Variants in CNTNAP5 observed in about 807,000 individuals in gnomAD.
CNTNAP5 encodes contactin-associated protein-like 5.
Under a neutral mutation model 150.2 loss-of-function variants are expected in CNTNAP5, and 72 were observed. The observed-to-expected ratio is 0.48, with a 90% CI of 0.40 to 0.58. The LOEUF is 0.58. Among genes scored for constraint, CNTNAP5 ranks in the 20% least tolerant of loss-of-function variants. The pLI, the probability that CNTNAP5 is intolerant of heterozygous loss-of-function variation, is 0.00. For synonymous variants in CNTNAP5, 672 were observed against 619.8 expected, an observed-to-expected ratio of 1.08 and a Z score of -1.25; for missense variants, 1,636 against 1,626.2, an observed-to-expected ratio of 1.01 and a Z score of -0.10.
At chr2:124,202,213 T>C (rs558257643) in intron 1 of CNTNAP5, among the ~76,000 whole-genome samples, 31 of 152,314 alleles carry the variant, frequency 2.0e-4, no homozygotes, top group African/African-American at 7.2e-4. Context: ...CATTTTGTTA[T>C]GGCCCCTATA....
rs759150184 is a variant in CNTNAP5 at position 124,869,688 on chromosome 2, T to C, written c.3362T>C (p.Leu1121Pro). Reference protein sequence around the residue: ...RELTIQMDQQLRLSYNFSPEV... With the variant: ...RELTIQMDQQPRLSYNFSPEV... ...GTTTTCCTGCAGATGGACCAGCAAC[T>C]TCGACTCAGTTATAACTTCTCTCCG... Residue 1121 changes from leucine (L) to proline (P), a missense_variant, in exon 21 of 24, where the codon CTT becomes CCT. Transcript: ENST00000682447. The C allele has an allele frequency of 6.2e-7, 1 of 1,611,846 alleles. No homozygotes were observed. The highest frequency in any genetic ancestry group is 8.5e-7 in the Non-Finnish European group (1 of 1,178,506).
chr2:124,913,117 C>T (rs1023728134), intron 23 of CNTNAP5, among the ~76,000 whole-genome samples: 13 of 152,020 alleles, frequency 8.6e-5, no homozygotes, highest in African/African-American at 3.1e-4. Flanking sequence ...AATCATAATT[C>T]ATTATGCCCA....
At chr2:124,606,003 T>C (rs748611377) in intron 11 of CNTNAP5, among the ~76,000 whole-genome samples, 10 of 152,146 alleles carry the variant, frequency 6.6e-5, no homozygotes, top group Non-Finnish European at 1.2e-4. Flanking sequence ...TATCCTCTTA[T>C]GTTAATTCTT....
chr2:124,567,856 GATAGATAGATAGATAGATAGATAGAT>G, intron 11 of CNTNAP5, among the ~76,000 whole-genome samples: 1 of 112,470 alleles, frequency 8.9e-6, no homozygotes, highest in African/African-American at 3.2e-5. Context: ...TAGATAGATA[GATAGATAGATAGATAGATAGATAGAT>G]ATAGATAGAT....
intron 1 of CNTNAP5, among the ~76,000 whole-genome samples, chr2:124,096,734 C>T (rs778059774): frequency 2.0e-5 from 3 of 152,064 alleles, no homozygotes; most frequent in South Asian, 2.1e-4. Flanking sequence ...GACAGAGTCT[C>T]GCTCTGTCAC....
chr2:124,140,632 T>C lies in CNTNAP5; in HGVS notation c.83-81073T>C, dbSNP rs1408655870. Among the ~76,000 whole-genome samples, 5 of 105,788 alleles carry C rather than the reference T, an allele frequency of 4.7e-5. No homozygotes were observed. The East Asian group carries it at 1.1e-3, about 23-fold the overall frequency. The allele number at this position is 105,788 out of a possible 152,430, so 69.4% of individuals were successfully genotyped here. Reference sequence around the variant, plus strand: ...AGAAAGGACATCTACACCGAAAACCTATCTGTACATCACCATCATCAAAGA... The same window carrying C: ...AGAAAGGACATCTACACCGAAAACCCATCTGTACATCACCATCATCAAAGA... On this transcript the variant is annotated intron_variant, in intron 1 of 23. Coordinates refer to ENST00000682447, the MANE Select transcript of CNTNAP5 (RefSeq NM_001367498.1).
At chr2:124,432,719 T>A (rs1276681822) in intron 4 of CNTNAP5, among the ~76,000 whole-genome samples, 1 of 152,146 alleles carries the variant, frequency 6.6e-6, no homozygotes, top group Non-Finnish European at 1.5e-5. Context: ...TCAGCTAGAA[T>A]GTGAGAAGCC....
intron 20 of CNTNAP5, among the ~76,000 whole-genome samples, chr2:124,865,665 G>A (rs368950912): frequency 2.0e-5 from 3 of 152,198 alleles, no homozygotes; most frequent in Middle Eastern, 3.2e-3. Flanking sequence ...AGATTCTTGG[G>A]CCAAGTGTGG....
At chr2:124,606,223 G>A (rs1697103485) in intron 11 of CNTNAP5, among the ~76,000 whole-genome samples, 1 of 152,066 alleles carries the variant, frequency 6.6e-6, no homozygotes, top group Middle Eastern at 3.2e-3. Context: ...CACCAAAATA[G>A]TAATCATTGA....
intron 3 of CNTNAP5, among the ~76,000 whole-genome samples, chr2:124,341,313 G>T (rs1326425127): frequency 1.3e-5 from 2 of 152,060 alleles, no homozygotes; most frequent in South Asian, 2.1e-4. Flanking sequence ...AAAGTCATTG[G>T]TTCTGAAGCT....
At chr2:124,430,338 T>C (rs1423825918) in intron 4 of CNTNAP5, among the ~76,000 whole-genome samples, 1 of 152,142 alleles carries the variant, frequency 6.6e-6, no homozygotes, top group Non-Finnish European at 1.5e-5. Flanking sequence ...GGGGGAATAA[T>C]AATAGTATTT....
intron 1 of CNTNAP5, among the ~76,000 whole-genome samples, chr2:124,174,478 T>A (rs942560926): frequency 6.6e-6 from 1 of 152,158 alleles, no homozygotes; most frequent in East Asian, 1.9e-4. Flanking sequence ...CCAACCCTGA[T>A]GGATGAATTT....
intron 3 of CNTNAP5, among the ~76,000 whole-genome samples, chr2:124,357,608 G>C (rs2104709680): frequency 6.8e-6 from 1 of 146,914 alleles, no homozygotes; most frequent in South Asian, 2.2e-4. Flanking sequence ...TCAAAGATCA[G>C]ATAGTTGTAG....
At position 124,914,635 on chromosome 2, in the gene CNTNAP5, G is replaced by T. The variant is rs926982929; in HGVS notation, c.*347G>T. The T allele has an allele frequency of 6.8e-5, 12 of 176,876 alleles. No homozygotes were observed. Among genetic ancestry groups the T allele is most frequent in the Non-Finnish European group, 1.2e-4 (10 of 83,792 alleles). The allele number at this position is 176,876 out of a possible 1,614,324, so 11.0% of individuals were successfully genotyped here. A position where few individuals can be genotyped will look rare whatever the true frequency, so the allele number is the denominator to read the frequency against. On this transcript the variant is annotated 3_prime_UTR_variant, in exon 24 of 24. Transcript: ENST00000682447. Reference sequence around the variant, plus strand: ...CTGTTCAGTTTTCCAACCACTTGGTGGTTCAGGCTTGCTTTGAACCTGAGC... The same window carrying T: ...CTGTTCAGTTTTCCAACCACTTGGTTGTTCAGGCTTGCTTTGAACCTGAGC...
At chr2:124,571,251 T>C (rs1573467023) in intron 11 of CNTNAP5, among the ~76,000 whole-genome samples, 1 of 152,116 alleles carries the variant, frequency 6.6e-6, no homozygotes, top group Admixed American at 6.5e-5. Flanking sequence ...GGGAGGTCCA[T>C]AGGGAATATC....
intron 8 of CNTNAP5, among the ~76,000 whole-genome samples, chr2:124,515,944 A>G (rs895006710): frequency 6.6e-5 from 10 of 152,200 alleles, no homozygotes; most frequent in African/African-American, 2.4e-4. Flanking sequence ...TGTGAGGTCC[A>G]TGATAACCTT....
chr2:124,040,801 C>T (rs1027691782), intron 1 of CNTNAP5, among the ~76,000 whole-genome samples: 12 of 152,034 alleles, frequency 7.9e-5, no homozygotes, highest in East Asian at 3.9e-4. Context: ...ATTAATTTTG[C>T]GTACTGGGTC....
chr2:124,552,272 T>A (rs1695644887), intron 10 of CNTNAP5, among the ~76,000 whole-genome samples: 1 of 152,174 alleles, frequency 6.6e-6, no homozygotes, highest in Non-Finnish European at 1.5e-5. Flanking sequence ...ACTGGAAATC[T>A]GGAACTCGCT....
At chr2:124,188,071 G>C (rs1685372902) in intron 1 of CNTNAP5, among the ~76,000 whole-genome samples, 1 of 152,138 alleles carries the variant, frequency 6.6e-6, no homozygotes. Flanking sequence ...CCTGGCATCT[G>C]GTCTTCTGAG....
Sources: gnomAD v4.1 joint callset for allele counts (sites outside exome capture counted in the v4.1 genomes callset) on GRCh38, gnomAD v4.1.1 for gene constraint, MANE v1.5 for transcripts, NCBI Gene and HGNC (gene_info 2026-07-23, HGNC 2026-07-21) for gene names.